VWA8: variants seen among roughly 807,000 people sequenced by gnomAD.
VWA8 encodes von Willebrand factor A domain-containing protein 8.
VWA8 carries 221 observed loss-of-function variants against 241.5 expected under a neutral mutation model. The ratio of observed to expected loss-of-function variants is 0.91; its 90% CI spans 0.82 to 1.02. VWA8 has a LOEUF of 1.02. Among genes scored for constraint, VWA8 ranks in the 50% least tolerant of loss-of-function variants. The pLI is 0.00. For missense variants in VWA8, 2,322 were observed against 2,328.7 expected, an observed-to-expected ratio of 1.00 and a Z score of 0.06; for synonymous variants, 852 against 827.1, an observed-to-expected ratio of 1.03 and a Z score of -0.52.
intron 37 of VWA8, among the ~76,000 whole-genome samples, chr13:41,651,393 G>C (rs1265121919): frequency 6.6e-6 from 1 of 152,066 alleles, no homozygotes; most frequent in Non-Finnish European, 1.5e-5. Flanking sequence ...AATTATCTTA[G>C]AGTGAGAATA....
At chr13:41,590,350 T>TCCTAAAC (rs2044445822) in intron 41 of VWA8, among the ~76,000 whole-genome samples, 2 of 152,132 alleles carry the variant, frequency 1.3e-5, no homozygotes, top group African/African-American at 4.8e-5. Flanking sequence ...TTTTTGATTT[T>TCCTAAAC]CCTAAACCCC....
At chr13:41,574,835 T>C (rs998684886) in intron 43 of VWA8, among the ~76,000 whole-genome samples, 3 of 152,182 alleles carry the variant, frequency 2.0e-5, no homozygotes, top group Non-Finnish European at 4.4e-5. Flanking sequence ...ACAACCACTA[T>C]GGAAAACAGT....
chr13:41,602,420 T>C (rs970759643), intron 40 of VWA8, among the ~76,000 whole-genome samples: 11 of 152,084 alleles, frequency 7.2e-5, no homozygotes, highest in Non-Finnish European at 1.5e-4. Context: ...CTTTCTAATC[T>C]TCTGGTCTCT....
intron 19 of VWA8, 35 bp from the exon 20 acceptor site, chr13:41,778,091 T>C (rs766373276): frequency 1.3e-6 from 2 of 1,528,218 alleles, no homozygotes; most frequent in Non-Finnish European, 1.8e-6. Context: ...AACTGTTTTG[T>C]ACAATCAAGG....
chr13:41,607,123 T>G (rs1358217180), intron 39 of VWA8, among the ~76,000 whole-genome samples: 1 of 152,222 alleles, frequency 6.6e-6, no homozygotes, highest in Non-Finnish European at 1.5e-5. Flanking sequence ...TGTACTCTGA[T>G]GTTTTCTATT....
chr13:41,931,813 A>C (rs1184157744), intron 2 of VWA8, among the ~76,000 whole-genome samples: 4 of 152,174 alleles, frequency 2.6e-5, no homozygotes, highest in Admixed American at 1.3e-4. Context: ...CATTCCACTA[A>C]AGCTGTACTT....
In VWA8 at chr13:41,877,410, C is replaced by A. The variant is rs371354302; in HGVS notation, c.1080+5977G>T. Among the ~76,000 whole-genome samples the A allele has an allele frequency of 9.5e-4, 144 of 151,348 alleles. 1 individual carries two copies. The highest frequency in any genetic ancestry group is 3.4e-3 in the African/African-American group (141 of 41,324). On this transcript the variant is annotated intron_variant, in intron 9 of 44. Transcript: ENST00000379310. ...CATGCTACACTGCTTAAAAAAAAAA[C>A]AAAACACATATTAAAATAGTTATTT...
intron 2 of VWA8, among the ~76,000 whole-genome samples, chr13:41,934,898 T>A (rs146899585): frequency 6.6e-6 from 1 of 152,090 alleles, no homozygotes; most frequent in African/African-American, 2.4e-5. Context: ...GTGTATTGCA[T>A]GTCAGTTATA....
intron 5 of VWA8, among the ~76,000 whole-genome samples, chr13:41,887,808 A>C (rs1409955972): frequency 1.3e-5 from 2 of 152,268 alleles, no homozygotes; most frequent in Non-Finnish European, 2.9e-5. Flanking sequence ...GCAATAACTA[A>C]CATGTTTTGG....
Position 41,721,419 on chromosome 13 carries a change from T to C in VWA8, c.2915A>G (p.Asn972Ser). The change falls in exon 25 of 45, where the codon AAC becomes AGC. Residue 972 changes from asparagine to serine, a missense_variant. Physicochemically the swap from Asn to Ser is conservative, Grantham distance 46 (BLOSUM62 1). Transcript: ENST00000379310. ...LRSLADQGII[N>S]YPYSTREVVN... ...AACTTCTCTGGTAGAATAAGGATAG[T>C]TAATAATCCCTTGGTCAGCCAAACT... The C allele has an allele frequency of 6.2e-7, 1 of 1,613,822 alleles. No homozygotes were observed. The highest frequency in any genetic ancestry group is 8.5e-7 in the Non-Finnish European group (1 of 1,179,802).
intron 3 of VWA8, among the ~76,000 whole-genome samples, chr13:41,909,856 TA>T (rs1362062573): frequency 6.6e-6 from 1 of 152,208 alleles, no homozygotes; most frequent in African/African-American, 2.4e-5. Flanking sequence ...AGTCCTTTTA[TA>T]TAAGTATAAA....
rs754592077 is a variant in VWA8, at chr13:41,783,800, T to A, written c.2272A>T (p.Ile758Phe). Residue 758 changes from isoleucine to phenylalanine, a missense_variant, in exon 19 of 45, where the codon ATT becomes TTT. Coordinates refer to ENST00000379310, the MANE Select transcript of VWA8 (RefSeq NM_015058.2). ...KVPDVLFYDN[I>F]QHVIVMEDML... Reference sequence around the variant, plus strand: ...ACACAAAGCAATACTCTTACCTGAATGTTGTCATAGAAAAGAACATCAGGC... The same window carrying A: ...ACACAAAGCAATACTCTTACCTGAAAGTTGTCATAGAAAAGAACATCAGGC... The A allele has an allele frequency of 5.0e-6, 8 of 1,611,210 alleles. No homozygotes were observed. In the African/African-American group the frequency reaches 1.1e-4, roughly 22 times the overall value.
intron 21 of VWA8, among the ~76,000 whole-genome samples, chr13:41,751,067 G>A (rs559005026): frequency 6.6e-6 from 1 of 152,064 alleles, no homozygotes; most frequent in South Asian, 2.1e-4. Context: ...GTAGTGAGCA[G>A]TAAGAAGTTA....
chr13:41,645,314 A>T (rs528322762), intron 37 of VWA8, among the ~76,000 whole-genome samples: 1 of 152,318 alleles, frequency 6.6e-6, no homozygotes, highest in East Asian at 1.9e-4. Context: ...TATCATGTTA[A>T]TATTAGCATT....
chr13:41,921,058 A>T (rs924748875), intron 2 of VWA8, among the ~76,000 whole-genome samples: 2 of 152,172 alleles, frequency 1.3e-5, no homozygotes, highest in Middle Eastern at 3.2e-3. Flanking sequence ...GCAAACCAAA[A>T]ACAGCAGCAC....
chr13:41,570,495 A>G lies in VWA8; in HGVS notation c.5582T>C (p.Ile1861Thr). 2 of 1,614,232 alleles carry G rather than the reference A, an allele frequency of 1.2e-6. No homozygotes were observed. The highest frequency in any genetic ancestry group is 2.2e-5 in the East Asian group (1 of 44,888). ...DPQVNAFAIF[I>T]GSLGDQATRL... is the part of the protein sequence containing the mutation. ...GGTTGCTTGATCACCTAAAGAGCCA[A>G]TAAAAATGGCAAAAGCATTTACTTG... The change falls in exon 44 of 45, where the codon ATT (isoleucine) becomes ACT (threonine). Residue 1861 changes from isoleucine to threonine, a missense_variant. By Grantham distance (89) the Ile-to-Thr change is moderately conservative. Coordinates refer to ENST00000379310, the MANE Select transcript of VWA8 (RefSeq NM_015058.2).
chr13:41,875,357 C>A (rs1873848492), intron 9 of VWA8, among the ~76,000 whole-genome samples: 1 of 152,082 alleles, frequency 6.6e-6, no homozygotes, highest in South Asian at 2.1e-4. Context: ...TTTCCATGCA[C>A]TCCACATTTT....
At chr13:41,872,175 TG>T (rs1873661774) in intron 9 of VWA8, among the ~76,000 whole-genome samples, 1 of 152,250 alleles carries the variant, frequency 6.6e-6, no homozygotes, top group South Asian at 2.1e-4. Flanking sequence ...CTTGTAAATT[TG>T]TTTGAGTTCT....
intron 21 of VWA8, among the ~76,000 whole-genome samples, chr13:41,736,398 A>C (rs1014265834): frequency 2.0e-5 from 3 of 152,340 alleles, no homozygotes; most frequent in African/African-American, 4.8e-5. Context: ...CACATGTAAT[A>C]AAAGCAATTA....
Sources: gnomAD v4.1 joint callset for allele counts (sites outside exome capture counted in the v4.1 genomes callset) on GRCh38, gnomAD v4.1.1 for gene constraint, MANE v1.5 for transcripts, NCBI Gene and HGNC (gene_info 2026-07-23, HGNC 2026-07-21) for gene names.